Variants in TRMT11 observed in about 807,000 individuals in gnomAD.
TRMT11 encodes the protein tRNA (guanine(10)-N(2))-methyltransferase TRMT11.
Under a neutral mutation model 62.8 loss-of-function variants are expected in TRMT11, and 53 were observed. The ratio of observed to expected loss-of-function variants is 0.84; its 90% CI spans 0.68 to 1.06. TRMT11 has a LOEUF of 1.06. Ranked by LOEUF, TRMT11 falls within the 50% of genes least tolerant of loss-of-function variation. The pLI, the probability that TRMT11 is intolerant of heterozygous loss-of-function variation, is 0.00. For missense variants in TRMT11, 556 were observed against 553.4 expected (o/e 1.00, Z -0.05); for synonymous variants, 188 against 190.3 (o/e 0.99, Z 0.10).
At chr6:126,015,269 A>G (rs1191163213) in intron 11 of TRMT11, among the ~76,000 whole-genome samples, 1 of 152,030 alleles carries the variant, frequency 6.6e-6, no homozygotes, top group African/African-American at 2.4e-5. Flanking sequence ...TCTGTCACCC[A>G]GGCTGGAGTG....
the TRMT11 span, among the ~76,000 whole-genome samples, chr6:126,226,335 A>T: frequency 6.6e-6 from 1 of 152,232 alleles, no homozygotes; most frequent in Non-Finnish European, 1.5e-5. Context: ...AAATAAAAAA[A>T]TTCAGGCAAG....
the TRMT11 span, among the ~76,000 whole-genome samples, chr6:126,271,275 A>G: frequency 6.7e-6 from 1 of 149,726 alleles, no homozygotes; most frequent in African/African-American, 2.5e-5. Context: ...GAGGCAGGAA[A>G]ATCGCTTGAA....
At chr6:126,145,024 A>C (rs1460827991) in intron 21 of TRMT11, among the ~76,000 whole-genome samples, 1 of 152,224 alleles carries the variant, frequency 6.6e-6, no homozygotes. Flanking sequence ...ACTGCCAGTG[A>C]AAGTTTTATA....
the TRMT11 span, among the ~76,000 whole-genome samples, chr6:126,264,601 G>T: frequency 6.6e-6 from 1 of 152,298 alleles, no homozygotes; most frequent in East Asian, 1.9e-4. Context: ...TAAATCAATA[G>T]ATATTGAGTA....
chr6:126,263,263 T>G, the TRMT11 span, among the ~76,000 whole-genome samples: 7 of 152,200 alleles, frequency 4.6e-5, no homozygotes, highest in Non-Finnish European at 8.8e-5. Flanking sequence ...GCTAATTATT[T>G]TGGGGGGAAA....
intron 21 of TRMT11, among the ~76,000 whole-genome samples, chr6:126,117,538 G>T (rs1777603985): frequency 6.6e-6 from 1 of 151,978 alleles, no homozygotes; most frequent in African/African-American, 2.4e-5. Flanking sequence ...AACAGTATTA[G>T]TAATATTGCC....
intron 7 of TRMT11, among the ~76,000 whole-genome samples, chr6:126,000,053 A>G (rs1013807698): frequency 1.3e-5 from 2 of 152,146 alleles, no homozygotes; most frequent in African/African-American, 4.8e-5. Flanking sequence ...GAAAATAGTT[A>G]ATATATCCTA....
chr6:126,117,772 A>T (rs1442451306), intron 21 of TRMT11, among the ~76,000 whole-genome samples: 2 of 152,142 alleles, frequency 1.3e-5, no homozygotes, highest in Admixed American at 1.3e-4. Flanking sequence ...ACCAGAAAAC[A>T]CTGAATAGTA....
chr6:126,153,357 A>T (rs1379904054), intron 21 of TRMT11, among the ~76,000 whole-genome samples: 1 of 152,236 alleles, frequency 6.6e-6, no homozygotes, highest in Admixed American at 6.5e-5. Context: ...AACAATGGTG[A>T]AAACCATTAG....
At chr6:126,061,792 A>G (rs1776543043) in intron 17 of TRMT11, among the ~76,000 whole-genome samples, 1 of 152,210 alleles carries the variant, frequency 6.6e-6, no homozygotes, top group Non-Finnish European at 1.5e-5. Context: ...GCTAGCTGAA[A>G]GGACCATTTC....
chr6:125,989,105 A>G (rs1790165499), intron 1 of TRMT11, among the ~76,000 whole-genome samples: 1 of 143,056 alleles, frequency 7.0e-6, no homozygotes, highest in South Asian at 2.2e-4. Context: ...TTTTGACACC[A>G]TTCTAAGGAG....
chr6:126,130,042 C>T (rs749370930), intron 21 of TRMT11, among the ~76,000 whole-genome samples: 2 of 152,038 alleles, frequency 1.3e-5, no homozygotes, highest in African/African-American at 2.4e-5. Flanking sequence ...TTTTCCATAG[C>T]CCTCATTTTT....
chr6:126,116,810 G>C (rs1433026607), intron 21 of TRMT11, among the ~76,000 whole-genome samples: 2 of 152,038 alleles, frequency 1.3e-5, no homozygotes, highest in African/African-American at 4.8e-5. Flanking sequence ...TAACCAATGA[G>C]CTGTAATGAG....
At chr6:126,128,641 C>T (rs929721957) in intron 21 of TRMT11, among the ~76,000 whole-genome samples, 1 of 152,048 alleles carries the variant, frequency 6.6e-6, no homozygotes, top group African/African-American at 2.4e-5. Context: ...CCCACAATAC[C>T]TACTGCCTTT....
intron 12 of TRMT11, among the ~76,000 whole-genome samples, chr6:126,031,123 G>A (rs1206320136): frequency 1.3e-5 from 2 of 152,076 alleles, no homozygotes; most frequent in Non-Finnish European, 2.9e-5. Flanking sequence ...TGTAAAGAAG[G>A]ATGCAAGTTT....
intron 17 of TRMT11, among the ~76,000 whole-genome samples, chr6:126,068,881 A>T (rs1277868634): frequency 6.6e-6 from 1 of 152,234 alleles, no homozygotes; most frequent in Non-Finnish European, 1.5e-5. Context: ...GAGTGACAAT[A>T]TGCCCGGTCT....
downstream of TRMT11, among the ~76,000 whole-genome samples, chr6:126,040,541 T>G (rs1775846164): frequency 6.6e-6 from 1 of 152,130 alleles, no homozygotes; most frequent in Non-Finnish European, 1.5e-5. Context: ...TCTTATTACT[T>G]TCGGCGTAAG....
intron 17 of TRMT11, among the ~76,000 whole-genome samples, chr6:126,059,106 A>G (rs1490025119): frequency 6.8e-6 from 1 of 146,978 alleles, no homozygotes; most frequent in Admixed American, 6.8e-5. Context: ...CTGGTCTCAG[A>G]ATCCTGGCCT....
chr6:125,992,259 C>G (rs760995996), intron 1 of TRMT11, among the ~76,000 whole-genome samples: 4 of 152,126 alleles, frequency 2.6e-5, no homozygotes, highest in Admixed American at 1.3e-4. Flanking sequence ...TTTTTCCCCA[C>G]CTAACTCTTA....
Sources: allele counts gnomAD v4.1 joint callset (sites outside exome capture counted in the v4.1 genomes callset), GRCh38; gene constraint gnomAD v4.1.1; transcripts MANE v1.5; gene names NCBI Gene and HGNC (gene_info 2026-07-23, HGNC 2026-07-21).